SNX24: variants seen among roughly 807,000 people sequenced by gnomAD.
The protein encoded by SNX24 is sorting nexin-24.
In SNX24, 22 loss-of-function variants were observed where a neutral mutation model predicts 28.7. That is an observed-to-expected ratio of 0.77 (90% CI 0.55 to 1.10). The LOEUF is 1.10. Among genes scored for constraint, SNX24 ranks in the 50% least tolerant of loss-of-function variants. The pLI is 0.00. For missense variants in SNX24, 221 were observed against 201.1 expected, an observed-to-expected ratio of 1.10 and a Z score of -0.60; for synonymous variants, 69 against 71.5, an observed-to-expected ratio of 0.96 and a Z score of 0.18.
chr5:122,981,093 C>A (rs1278992252), intron 3 of SNX24, among the ~76,000 whole-genome samples: 1 of 152,126 alleles, frequency 6.6e-6, no homozygotes, highest in Non-Finnish European at 1.5e-5. Flanking sequence ...AATATTAAAG[C>A]AAAATTATTA....
intron 3 of SNX24, among the ~76,000 whole-genome samples, chr5:122,947,130 G>T (rs2150126162): frequency 6.6e-6 from 1 of 152,266 alleles, no homozygotes; most frequent in South Asian, 2.1e-4. Context: ...ATTAATGATT[G>T]ACCCATCTAA....
At chr5:122,906,778 G>T (rs1203110606) in intron 1 of SNX24, among the ~76,000 whole-genome samples, 1 of 152,222 alleles carries the variant, frequency 6.6e-6, no homozygotes, top group Non-Finnish European at 1.5e-5. Context: ...AAAGTGCTGG[G>T]ATTACAGGCA....
chr5:122,925,006 G>T (rs1410904247), intron 1 of SNX24, among the ~76,000 whole-genome samples: 2 of 118,444 alleles, frequency 1.7e-5, no homozygotes, highest in Admixed American at 9.9e-5. Context: ...TTTCCCCTTC[G>T]TCTTCCCCTC....
chr5:122,978,280 G>C (rs1013628641), intron 3 of SNX24, among the ~76,000 whole-genome samples: 2 of 152,150 alleles, frequency 1.3e-5, no homozygotes, highest in African/African-American at 4.8e-5. Flanking sequence ...GAACTGTTTT[G>C]TAATAGTTAT....
At chr5:123,000,502 C>T (rs1581853168) in intron 4 of SNX24, among the ~76,000 whole-genome samples, 1 of 152,134 alleles carries the variant, frequency 6.6e-6, no homozygotes, top group Non-Finnish European at 1.5e-5. Flanking sequence ...CTTGCAGAAC[C>T]GAGGCCTTCC....
chr5:122,896,067 T>C (rs574222656), intron 1 of SNX24, among the ~76,000 whole-genome samples: 1 of 152,292 alleles, frequency 6.6e-6, no homozygotes, highest in East Asian at 1.9e-4. Flanking sequence ...GAGAATCACT[T>C]GAACTGGGGG....
chr5:122,878,975 T>C (rs1756355271), intron 1 of SNX24, among the ~76,000 whole-genome samples: 2 of 151,086 alleles, frequency 1.3e-5, no homozygotes, highest in South Asian at 4.2e-4. Flanking sequence ...AAATTAAAAA[T>C]TAAAAAAAAG....
At chr5:122,885,229 T>C (rs1160053503) in intron 1 of SNX24, among the ~76,000 whole-genome samples, 1 of 152,108 alleles carries the variant, frequency 6.6e-6, no homozygotes, top group Admixed American at 6.6e-5. Flanking sequence ...TTCTTGGATG[T>C]TGCTTCCTTC....
intron 5 of SNX24, chr5:123,024,110 G>A (rs562168314): frequency 1.5e-6 from 2 of 1,307,782 alleles, no homozygotes; most frequent in East Asian, 2.4e-5. Context: ...AGGAAATAAG[G>A]TTGGTTGGTT....
chr5:122,983,586 T>C (rs914629609), intron 3 of SNX24, among the ~76,000 whole-genome samples: 3 of 152,174 alleles, frequency 2.0e-5, no homozygotes, highest in African/African-American at 7.2e-5. Context: ...CCTTCACATA[T>C]AACCAACAAA....
At chr5:122,867,172 C>T (rs1262078178) in intron 1 of SNX24, among the ~76,000 whole-genome samples, 2 of 152,184 alleles carry the variant, frequency 1.3e-5, no homozygotes, top group East Asian at 3.9e-4. Flanking sequence ...AAGGCCATTC[C>T]ATCATTCTAC....
chr5:122,869,833 A>G (rs1487847981), intron 1 of SNX24, among the ~76,000 whole-genome samples: 5 of 151,912 alleles, frequency 3.3e-5, no homozygotes, highest in African/African-American at 1.2e-4. Flanking sequence ...AAAAGCAGTA[A>G]TGGACTAAGT....
intron 1 of SNX24, among the ~76,000 whole-genome samples, chr5:122,903,282 A>T (rs959576220): frequency 6.6e-6 from 1 of 151,816 alleles, no homozygotes; most frequent in African/African-American, 2.4e-5. Context: ...TAATATTCGT[A>T]TTTTTTTAAA....
intron 3 of SNX24, among the ~76,000 whole-genome samples, chr5:122,967,476 C>CGGCA (rs1760759838): frequency 6.6e-6 from 1 of 152,120 alleles, no homozygotes; most frequent in Non-Finnish European, 1.5e-5. Flanking sequence ...CACGTGCTGC[C>CGGCA]CTCTCACTAG....
intron 5 of SNX24, among the ~76,000 whole-genome samples, chr5:123,028,229 G>C (rs1199211228): frequency 6.6e-6 from 1 of 152,198 alleles, no homozygotes; most frequent in Admixed American, 6.5e-5. Context: ...CACATAGCCA[G>C]GAGTGTGAGT....
rs368046760 is a variant in SNX24 at position 122,959,354 on chromosome 5, G to A, written c.249+13195G>A. Among the ~76,000 whole-genome samples, 16 of 146,696 alleles carry A rather than the reference G, an allele frequency of 1.1e-4. No homozygotes were observed. The East Asian group carries it at 1.4e-3, about 13-fold the overall frequency. ...TTATTTCCTTCCTTTTGCTAGCTTT[G>A]GGGTTTCAAAATGTTTTATTTTATA... On this transcript the variant is annotated intron_variant, in intron 3 of 6. Transcript: ENST00000261369.
chr5:123,001,301 C>T (rs1402531704), intron 4 of SNX24, 104 bp from the exon 5 acceptor site: 3 of 745,558 alleles, frequency 4.0e-6, no homozygotes, highest in Non-Finnish European at 6.9e-6. Flanking sequence ...AAATAACTAC[C>T]AATTCAGTCA....
chr5:122,971,514 A>G (rs1760957583), intron 3 of SNX24, among the ~76,000 whole-genome samples: 2 of 152,210 alleles, frequency 1.3e-5, no homozygotes, highest in Non-Finnish European at 2.9e-5. Context: ...TTAATCTTCA[A>G]ATAAAGACAA....
At chr5:122,988,120 T>C (rs998033809) in intron 3 of SNX24, among the ~76,000 whole-genome samples, 2 of 152,280 alleles carry the variant, frequency 1.3e-5, no homozygotes, top group Middle Eastern at 3.4e-3. Flanking sequence ...AGTAGACCAC[T>C]GCCTGGTACA....
Sources: allele counts gnomAD v4.1 joint callset (sites outside exome capture counted in the v4.1 genomes callset), GRCh38; gene constraint gnomAD v4.1.1; transcripts MANE v1.5; gene names NCBI Gene and HGNC (gene_info 2026-07-23, HGNC 2026-07-21).